The following IGSF21 variants were observed in gnomAD, a reference collection of about 807,000 sequenced individuals.
IGSF21 encodes immunoglobulin superfamily member 21.
A neutral mutation model predicts 46.8 loss-of-function variants in IGSF21; 28 were observed. The observed-to-expected ratio is 0.60, with a 90% CI of 0.44 to 0.82. The LOEUF is 0.82. Ranked by LOEUF, IGSF21 falls within the 40% of genes least tolerant of loss-of-function variation. The pLI, the probability that IGSF21 is intolerant of heterozygous loss-of-function variation, is 0.00. For synonymous variants in IGSF21, 284 were observed against 273.6 expected, an observed-to-expected ratio of 1.04 and a Z score of -0.38; for missense variants, 624 against 665.5, an observed-to-expected ratio of 0.94 and a Z score of 0.69.
chr1:18,329,853 C>T (rs1281713122), intron 3 of IGSF21, among the ~76,000 whole-genome samples: 1 of 152,212 alleles, frequency 6.6e-6, no homozygotes, highest in Non-Finnish European at 1.5e-5. Flanking sequence ...AGCTGCAGTG[C>T]CCAGCGCTTG....
At chr1:18,302,288 G>C (rs969481151) in intron 3 of IGSF21, among the ~76,000 whole-genome samples, 2 of 151,972 alleles carry the variant, frequency 1.3e-5, no homozygotes, top group African/African-American at 4.8e-5. Context: ...TTCCACTTTA[G>C]CCTTCTCCTG....
rs1033719344 is a variant in IGSF21, at chr1:18,109,921, A to C, written c.70+1723A>C. The C allele has an allele frequency of 6.6e-6, 1 of 151,918 alleles. No homozygotes were observed. Among genetic ancestry groups the C allele is most frequent in the African/African-American group, 2.4e-5 (1 of 41,280 alleles). The allele number at this position is 151,918 out of a possible 1,614,324, so 9.4% of individuals were successfully genotyped here. On this transcript the variant is annotated intron_variant, in intron 1 of 9. Coordinates refer to ENST00000251296, the MANE Select transcript of IGSF21 (RefSeq NM_032880.5). This position sits in a 1 kb window ranked among gnomAD's most constrained non-coding sequence, Gnocchi z 4.8. ...CCCTGGGAATGCGCAGAACAGAGAG[A>C]CGCGGCAGGGTGAAGGAGAGGACTG...
chr1:18,157,557 G>A (rs2086579271), intron 1 of IGSF21, among the ~76,000 whole-genome samples: 1 of 152,138 alleles, frequency 6.6e-6, no homozygotes, highest in South Asian at 2.1e-4. Flanking sequence ...GGTCACCATC[G>A]TCCTGTTCTC....
chr1:18,137,877 C>T (rs1350736758), intron 1 of IGSF21, among the ~76,000 whole-genome samples: 4 of 152,088 alleles, frequency 2.6e-5, no homozygotes, highest in Non-Finnish European at 5.9e-5. Flanking sequence ...GAGTTAGATT[C>T]TATTATTTTC....
intron 8 of IGSF21, 37 bp downstream of exon 8, chr1:18,377,029 A>G (rs2271859): frequency 0.28 from 433,918 of 1,556,960 alleles, 63,678 homozygotes; most frequent in Non-Finnish European, 0.3. Context: ...GAGAACAACC[A>G]CAGGGGCGGG....
intron 1 of IGSF21, among the ~76,000 whole-genome samples, chr1:18,160,118 A>G (rs1201798508): frequency 2.6e-5 from 4 of 152,154 alleles, no homozygotes; most frequent in Non-Finnish European, 5.9e-5. Flanking sequence ...CAGAGTGGTG[A>G]TCTTTGGGCA....
chr1:18,156,467 C>A (rs1305575527), intron 1 of IGSF21, among the ~76,000 whole-genome samples: 2 of 152,210 alleles, frequency 1.3e-5, no homozygotes, highest in Non-Finnish European at 2.9e-5. Flanking sequence ...CAAATGCAGT[C>A]CCCTGGCTCT....
chr1:18,227,805 C>G, intron 1 of IGSF21, 93 bp from the exon 2 acceptor site: 1 of 863,478 alleles, frequency 1.2e-6, no homozygotes, highest in Non-Finnish European at 2.0e-6. Flanking sequence ...AAACTTCCCT[C>G]CTCTGTCTGC....
intron 4 of IGSF21, among the ~76,000 whole-genome samples, chr1:18,358,058 T>TGTGTGA (rs2086040744): frequency 2.6e-5 from 4 of 151,926 alleles, no homozygotes; most frequent in Admixed American, 2.6e-4. Flanking sequence ...TGTGTGTGTG[T>TGTGTGA]GTGTGTGAAT....
At chr1:18,369,123 G>A (rs1157630011) in intron 6 of IGSF21, among the ~76,000 whole-genome samples, 1 of 152,180 alleles carries the variant, frequency 6.6e-6, no homozygotes, top group Non-Finnish European at 1.5e-5. Context: ...GGGCATGGGG[G>A]ACACAGCAGG....
intron 1 of IGSF21, among the ~76,000 whole-genome samples, chr1:18,203,738 G>T (rs551702874): frequency 6.6e-4 from 100 of 152,294 alleles, no homozygotes; most frequent in African/African-American, 2.3e-3. Flanking sequence ...TGGGGGCGAG[G>T]GTGGTCAGAA....
chr1:18,254,524 A>C (rs749570568), intron 2 of IGSF21, among the ~76,000 whole-genome samples: 3 of 151,630 alleles, frequency 2.0e-5, no homozygotes, highest in Non-Finnish European at 2.9e-5. Flanking sequence ...CTGGATCTTG[A>C]CCTCCTGCCT....
chr1:18,242,657 C>A (rs548746159), intron 2 of IGSF21, among the ~76,000 whole-genome samples: 4 of 152,192 alleles, frequency 2.6e-5, no homozygotes, highest in Non-Finnish European at 5.9e-5. Flanking sequence ...GTGCTTTCAA[C>A]GTTCCCCTTC....
chr1:18,305,757 T>C (rs1425774487), intron 3 of IGSF21, among the ~76,000 whole-genome samples: 1 of 152,244 alleles, frequency 6.6e-6, no homozygotes, highest in Non-Finnish European at 1.5e-5. Flanking sequence ...GTACAAAATA[T>C]GTACCATTGC....
At chr1:18,344,758 C>A (rs2085876176) in intron 4 of IGSF21, among the ~76,000 whole-genome samples, 1 of 152,312 alleles carries the variant, frequency 6.6e-6, no homozygotes, top group South Asian at 2.1e-4. Flanking sequence ...AGAGCCTCAG[C>A]TACCTCCTTT....
At chr1:18,291,314 C>T (rs984236845) in intron 2 of IGSF21, among the ~76,000 whole-genome samples, 1 of 152,226 alleles carries the variant, frequency 6.6e-6, no homozygotes, top group Non-Finnish European at 1.5e-5. Context: ...AAGTGCCCCA[C>T]GCTGTCCCCG....
At chr1:18,173,119 T>G (rs1014714517) in intron 1 of IGSF21, among the ~76,000 whole-genome samples, 4 of 152,160 alleles carry the variant, frequency 2.6e-5, no homozygotes, top group Non-Finnish European at 5.9e-5. Flanking sequence ...AAACCCCATC[T>G]CTACTAAAAA....
intron 2 of IGSF21, among the ~76,000 whole-genome samples, chr1:18,256,015 C>G (rs1347031464): frequency 6.6e-6 from 1 of 152,212 alleles, no homozygotes; most frequent in Non-Finnish European, 1.5e-5. Context: ...CAGCTCTGTT[C>G]CATGTCCTAC....
At position 18,365,603 on chromosome 1, in the gene IGSF21, G is replaced by A; in HGVS notation, c.921G>A (p.Trp307Ter). 1 of 1,614,168 alleles carries A rather than the reference G, an allele frequency of 6.2e-7. No homozygotes were observed. The highest frequency in any genetic ancestry group is 8.5e-7 in the Non-Finnish European group (1 of 1,180,036). The change falls in exon 6 of 10, where the codon TGG (tryptophan) becomes TGA (stop). Residue 307 changes from tryptophan to a stop codon, truncating the protein, a stop_gained. Transcript: ENST00000251296. LOFTEE classifies it high-confidence loss of function. The surrounding 1 kb of genome is among the most constrained non-coding windows in gnomAD (Gnocchi z 4.8). ...TGGAAGTACGTGCCCTGCTCACCTG[G>A]ACCCTCAACCCACAGATCGACAACG... ...GTVEVRALLT[W>*]TLNPQIDNEA...
Sources: gnomAD v4.1 joint callset for allele counts (sites outside exome capture counted in the v4.1 genomes callset) on GRCh38, gnomAD v4.1.1 for gene constraint, Gnocchi (gnomAD v3.1) non-coding constraint, MANE v1.5 for transcripts, NCBI Gene and HGNC (gene_info 2026-07-23, HGNC 2026-07-21) for gene names.